OR5B12: variants seen among roughly 807,000 people sequenced by gnomAD.
The protein encoded by OR5B12 is olfactory receptor 5B12.
For synonymous variants in OR5B12, 154 were observed against 138.0 expected (o/e 1.12, Z -0.81); for missense variants, 418 against 377.0 (o/e 1.11, Z -0.90).
At chr11:58,441,103 C>T (rs1424714416) in intron 1 of OR5B12, among the ~76,000 whole-genome samples, 5 of 152,130 alleles carry the variant, frequency 3.3e-5, no homozygotes, top group African/African-American at 1.2e-4. Flanking sequence ...GACCATCAGT[C>T]GGTCCACAAT....
At position 58,440,055 on chromosome 11, in the gene OR5B12, A is replaced by G. The variant is rs768338907; in HGVS notation, c.97T>C (p.Tyr33His). 2 of 1,614,124 alleles carry G rather than the reference A, an allele frequency of 1.2e-6. No individual in the cohort carries two copies. The highest frequency in any genetic ancestry group is 1.1e-5 in the South Asian group (1 of 91,086). ...IPLFIVFLFI[Y>H]LITLVGNLGM... ...AGGTTCCCAACCAGAGTGATGAGGTAGATGAAAAGGAAGACTATGAAGAGT... is the reference window on the plus strand; with the variant it reads ...AGGTTCCCAACCAGAGTGATGAGGTGGATGAAAAGGAAGACTATGAAGAGT... Residue 33 changes from tyrosine (Y) to histidine (H), a missense_variant, in exon 2 of 2, where the codon TAC (tyrosine) becomes CAC (histidine). Transcript: ENST00000641921.
At position 58,439,897 on chromosome 11, in the gene OR5B12, T is replaced by G; in HGVS notation, c.255A>C (p.Thr85=). Reference sequence around the variant, plus strand: ...CATTATATAATATGAATTTGTCTCCTGTGAGAAACCCCACCATCACCTTGG... The same window carrying G: ...CATTATATAATATGAATTTGTCTCCGGTGAGAAACCCCACCATCACCTTGG... ...VTPKVMVGFL[T]GDKFILYNAC... Residue 85 remains threonine, a synonymous_variant, in exon 2 of 2, where the codon ACA becomes ACC. Coordinates refer to ENST00000641921, the MANE Select transcript of OR5B12 (RefSeq NM_001004733.3). 6.2e-7 allele frequency: 1 copy of G among 1,614,150 alleles called. No homozygotes were observed. The highest frequency in any genetic ancestry group is 8.5e-7 in the Non-Finnish European group (1 of 1,180,038).
chr11:58,439,349 G>C lies in OR5B12; in HGVS notation c.803C>G (p.Thr268Arg), dbSNP rs2119970327. Reference sequence around the variant, plus strand: ...ATAGAACACAGATGCCATTTTGTCTGTGCCCATGAAATGGCTGGAGTTAGG... The same window carrying C: ...ATAGAACACAGATGCCATTTTGTCTCTGCCCATGAAATGGCTGGAGTTAGG... ...LRPNSSHFMG[T>R]DKMASVFYAI... The change falls in exon 2 of 2, where the codon ACA (threonine) becomes AGA (arginine). Residue 268 changes from threonine (T) to arginine (R), a missense_variant. Physicochemically the swap from Thr to Arg is moderately conservative, Grantham distance 71 (BLOSUM62 -1). Transcript: ENST00000641921. 6.2e-7 allele frequency: 1 copy of C among 1,613,970 alleles called. No individual in the cohort carries two copies. The highest frequency in any genetic ancestry group is 1.1e-5 in the South Asian group (1 of 91,072).
In OR5B12 at chr11:58,439,010, C is replaced by T. The variant is rs940268741; in HGVS notation, c.*197G>A. On this transcript the variant is annotated 3_prime_UTR_variant, in exon 2 of 2. Transcript: ENST00000641921. ...GGAGAGATCTGATTTTTAGAATATG[C>T]TATTTTTTATTATTTAAAATGTCCA... is the stretch of plus-strand genomic sequence containing the variant. The T allele has an allele frequency of 2.2e-4, 84 of 374,592 alleles. No homozygotes were observed. Among genetic ancestry groups the T allele is most frequent in the African/African-American group, 1.7e-3 (83 of 47,876 alleles). 23.2% of individuals were successfully genotyped at this position (374,592 alleles called of 1,614,324 possible). A position where few individuals can be genotyped will look rare whatever the true frequency, so the allele number is the denominator to read the frequency against.
Position 58,439,711 on chromosome 11 carries a change from G to A in OR5B12, c.441C>T (p.Tyr147=), listed in dbSNP as rs1477886685. ...TGGATGCATTCAGGAAACCACAGATGTAGGAGCCTATGGCCAGGCAAGCAC... is the reference window on the plus strand; with the variant it reads ...TGGATGCATTCAGGAAACCACAGATATAGGAGCCTATGGCCAGGCAAGCAC... The part of the protein sequence containing the change: ...NVCACLAIGS[Y]ICGFLNASIH... The change falls in exon 2 of 2, where the codon TAC becomes TAT. Residue 147 remains tyrosine (Y), a synonymous_variant. Coordinates refer to ENST00000641921, the MANE Select transcript of OR5B12 (RefSeq NM_001004733.3). 3 of 1,614,162 alleles carry A rather than the reference G, an allele frequency of 1.9e-6. No individual in the cohort carries two copies. The highest frequency in any genetic ancestry group is 1.1e-5 in the South Asian group (1 of 91,066).
At chr11:58,441,453 C>G (rs1380978252) in intron 1 of OR5B12, among the ~76,000 whole-genome samples, 2 of 152,116 alleles carry the variant, frequency 1.3e-5, no homozygotes, top group African/African-American at 4.8e-5. Flanking sequence ...AATAGTTTAA[C>G]TTGCTCAAAG....
rs760017399 is a variant in OR5B12, at chr11:58,440,120, A to G, written c.32T>C (p.Ile11Thr). The change falls in exon 2 of 2, where the codon ATC (isoleucine) becomes ACC (threonine). Residue 11 changes from isoleucine (I) to threonine (T), a missense_variant. Coordinates refer to ENST00000641921, the MANE Select transcript of OR5B12 (RefSeq NM_001004733.3). MENNTEVTEF[I>T]LVGLTDDPEL... Reference sequence around the variant, plus strand: ...TGGGTCATCAGTTAACCCCACAAGGATGAATTCAGTCACCTCTGTGTTGTT... The same window carrying G: ...TGGGTCATCAGTTAACCCCACAAGGGTGAATTCAGTCACCTCTGTGTTGTT... The G allele has an allele frequency of 6.2e-7, 1 of 1,611,228 alleles. No homozygotes were observed. Among genetic ancestry groups the G allele is most frequent in the South Asian group, 1.1e-5 (1 of 90,468 alleles).
rs898763918 is a variant in OR5B12, at chr11:58,439,435, A to T, written c.717T>A (p.Cys239Ter). The T allele has an allele frequency of 6.2e-7, 1 of 1,614,110 alleles. No homozygotes were observed. The highest frequency in any genetic ancestry group is 2.2e-5 in the East Asian group (1 of 44,878). The change falls in exon 2 of 2, where the codon TGT becomes TGA. Residue 239 changes from cysteine (C) to a stop codon, truncating the protein, a stop_gained. Transcript: ENST00000641921. LOFTEE classifies it low-confidence loss of function (END_TRUNC). ...TGGAAACTGCAGTAAGGTGGGAAGCACAAGTAGAAAAGGCCTTCTGGCGTC... is the reference window on the plus strand; with the variant it reads ...TGGAAACTGCAGTAAGGTGGGAAGCTCAAGTAGAAAAGGCCTTCTGGCGTC... ...PEGRQKAFST[C>*]ASHLTAVSIF...
At position 58,439,307 on chromosome 11, in the gene OR5B12, A is replaced by C; in HGVS notation, c.845T>G (p.Met282Arg). The C allele has an allele frequency of 6.2e-7, 1 of 1,613,994 alleles. No individual in the cohort carries two copies. The highest frequency in any genetic ancestry group is 8.5e-7 in the Non-Finnish European group (1 of 1,179,920). Residue 282 changes from methionine (M) to arginine (R), a missense_variant, in exon 2 of 2, where the codon ATG becomes AGG. Physicochemically the swap from Met to Arg is moderately conservative, Grantham distance 91. Transcript: ENST00000641921. Reference sequence around the variant, plus strand: ...CAGGCTGTAGACCAGTGGATTCAACATGGGAATGACTATGGCATAGAACAC... The same window carrying C: ...CAGGCTGTAGACCAGTGGATTCAACCTGGGAATGACTATGGCATAGAACAC... ...ASVFYAIVIPMLNPLVYSLRN... is the reference protein window; with the variant it reads ...ASVFYAIVIPRLNPLVYSLRN...
rs1855486139 is a variant in OR5B12 at position 58,440,134 on chromosome 11, C to T, written c.18G>A (p.Glu6=). Reference sequence around the variant, plus strand: ...ACCCCACAAGGATGAATTCAGTCACCTCTGTGTTGTTCTCCATTGGGAATT... The same window carrying T: ...ACCCCACAAGGATGAATTCAGTCACTTCTGTGTTGTTCTCCATTGGGAATT... MENNT[E]VTEFILVGLT... The change falls in exon 2 of 2, where the codon GAG becomes GAA. Residue 6 remains glutamate, a synonymous_variant. Coordinates refer to ENST00000641921, the MANE Select transcript of OR5B12 (RefSeq NM_001004733.3). The T allele has an allele frequency of 2.5e-6, 4 of 1,603,060 alleles. No individual in the cohort carries two copies. Among genetic ancestry groups the T allele is most frequent in the South Asian group, 1.1e-5 (1 of 89,074 alleles).
At position 58,439,475 on chromosome 11, in the gene OR5B12, A is replaced by G. The variant is rs374009654; in HGVS notation, c.677T>C (p.Met226Thr). ...YLFIFITIMK[M>T]RSPEGRQKAF... ...CTTCTGGCGTCCTTCAGGTGAGCGC[A>G]TCTTCATGATGGTGATAAATATAAA... is the stretch of plus-strand genomic sequence containing the variant. The change falls in exon 2 of 2, where the codon ATG (methionine) becomes ACG (threonine). Residue 226 changes from methionine to threonine, a missense_variant. Physicochemically the swap from Met to Thr is moderately conservative, Grantham distance 81 (BLOSUM62 -1). Coordinates refer to ENST00000641921, the MANE Select transcript of OR5B12 (RefSeq NM_001004733.3). 3 of 1,614,124 alleles carry G rather than the reference A, an allele frequency of 1.9e-6. No individual in the cohort carries two copies. The highest frequency in any genetic ancestry group is 2.5e-6 in the Non-Finnish European group (3 of 1,180,024).
intron 1 of OR5B12, 94 bp from the exon 2 acceptor site, chr11:58,440,264 G>C: frequency 1.4e-6 from 1 of 693,128 alleles, no homozygotes; most frequent in Non-Finnish European, 2.4e-6. Context: ...TTCCAGTATT[G>C]TAATTACTTG....
chr11:58,439,529 G>T lies in OR5B12; in HGVS notation c.623C>A (p.Ser208Tyr), dbSNP rs982266930. 28 of 1,613,594 alleles carry T rather than the reference G, an allele frequency of 1.7e-5. No homozygotes were observed. Among genetic ancestry groups the T allele is most frequent in the Non-Finnish European group, 2.4e-5 (28 of 1,179,902 alleles). ...FFVVGFNDLFSILVILISYLF... is the reference protein window; with the variant it reads ...FFVVGFNDLFYILVILISYLF... ...GTAGGAGATCAAGATTACCAGGATA[G>T]AAAAGAGGTCATTGAATCCCACCAC... Residue 208 changes from serine to tyrosine, a missense_variant, in exon 2 of 2, where the codon TCT becomes TAT. By Grantham distance (144) the Ser-to-Tyr change is moderately radical (BLOSUM62 -2). Transcript: ENST00000641921.
rs1182480522 is a variant in OR5B12 at position 58,439,679 on chromosome 11, G to C, written c.473C>G (p.Thr158Ser). The C allele has an allele frequency of 6.2e-7, 1 of 1,613,892 alleles. No individual in the cohort carries two copies. The highest frequency in any genetic ancestry group is 1.3e-5 in the African/African-American group (1 of 74,888). The change falls in exon 2 of 2, where the codon ACT (threonine) becomes AGT (serine). Residue 158 changes from threonine (T) to serine (S), a missense_variant. Transcript: ENST00000641921. ...ICGFLNASIHTGNTFRLSFCR... is the reference protein window; with the variant it reads ...ICGFLNASIHSGNTFRLSFCR... ...GAAGGAGAGCCTGAAAGTGTTCCCA[G>C]TATGAATGGATGCATTCAGGAAACC...
Position 58,440,034 on chromosome 11 carries a change from T to G in OR5B12, c.118A>C (p.Asn40His). 6.2e-7 allele frequency: 1 copy of G among 1,613,976 alleles called. No individual in the cohort carries two copies. The highest frequency in any genetic ancestry group is 1.1e-5 in the South Asian group (1 of 91,068). Residue 40 changes from asparagine (N) to histidine (H), a missense_variant, in exon 2 of 2, where the codon AAC becomes CAC. Transcript: ENST00000641921. ...AGAATCAATTCAATCATCCCCAGGT[T>G]CCCAACCAGAGTGATGAGGTAGATG... ...LFIYLITLVG[N>H]LGMIELILLD...
Position 58,439,377 on chromosome 11 carries a change from G to GT in OR5B12, c.774dup (p.Arg259ThrfsTer3), listed in dbSNP as rs754222894. 1.2e-6 allele frequency: 2 copies of GT among 1,614,046 alleles called. No homozygotes were observed. The highest frequency in any genetic ancestry group is 2.2e-5 in the East Asian group (1 of 44,866). ...CCCATGAAATGGCTGGAGTTAGGTCGTAAGTACATAAAGATTCCTGTCCCA... is the reference window on the plus strand; with the variant it reads ...CCCATGAAATGGCTGGAGTTAGGTCGTTAAGTACATAAAGATTCCTGTCCCA... On this transcript the variant is annotated frameshift_variant, in exon 2 of 2. Coordinates refer to ENST00000641921, the MANE Select transcript of OR5B12 (RefSeq NM_001004733.3). LOFTEE classifies it low-confidence loss of function (END_TRUNC).
intron 1 of OR5B12, among the ~76,000 whole-genome samples, chr11:58,440,732 T>G (rs1855491637): frequency 6.6e-6 from 1 of 152,208 alleles, no homozygotes; most frequent in African/African-American, 2.4e-5. Context: ...AGTTAAATGA[T>G]AATAACTGGA....
At position 58,440,139 on chromosome 11, in the gene OR5B12, T is replaced by A. The variant is rs753933076; in HGVS notation, c.13A>T (p.Thr5Ser). 4 of 1,598,908 alleles carry A rather than the reference T, an allele frequency of 2.5e-6. No individual in the cohort carries two copies. The East Asian group carries it at 8.9e-5, about 36-fold the overall frequency. MENN[T>S]EVTEFILVGL... Reference sequence around the variant, plus strand: ...ACAAGGATGAATTCAGTCACCTCTGTGTTGTTCTCCATTGGGAATTATGTA... The same window carrying A: ...ACAAGGATGAATTCAGTCACCTCTGAGTTGTTCTCCATTGGGAATTATGTA... Residue 5 changes from threonine (T) to serine (S), a missense_variant, in exon 2 of 2, where the codon ACA (threonine) becomes TCA (serine). Transcript: ENST00000641921.
Position 58,440,146 on chromosome 11 carries a change from C to A in OR5B12, c.6G>T (p.Glu2Asp). The change falls in exon 2 of 2, where the codon GAG becomes GAT. Residue 2 changes from glutamate (E) to aspartate (D), a missense_variant. By Grantham distance (45) the Glu-to-Asp change is conservative. Transcript: ENST00000641921. M[E>D]NNTEVTEFIL... ...TGAATTCAGTCACCTCTGTGTTGTT[C>A]TCCATTGGGAATTATGTAGCTGCCC... 1 of 1,591,736 alleles carries A rather than the reference C, an allele frequency of 6.3e-7. No individual in the cohort carries two copies. Among genetic ancestry groups the A allele is most frequent in the Non-Finnish European group, 8.6e-7 (1 of 1,168,474 alleles).
Sources: gnomAD v4.1 joint callset for allele counts (sites outside exome capture counted in the v4.1 genomes callset) on GRCh38, gnomAD v4.1.1 for gene constraint, MANE v1.5 for transcripts, NCBI Gene and HGNC (gene_info 2026-07-23, HGNC 2026-07-21) for gene names.